FOXN2: variants seen among roughly 807,000 people sequenced by gnomAD.
The protein encoded by FOXN2 is forkhead box N2.
Under a neutral mutation model 41.2 loss-of-function variants are expected in FOXN2, and 19 were observed. That is an observed-to-expected ratio of 0.46 (90% CI 0.32 to 0.68). FOXN2 has a LOEUF of 0.68. Among genes scored for constraint, FOXN2 ranks in the 30% least tolerant of loss-of-function variants. FOXN2 has a pLI of 0.03. For synonymous variants in FOXN2, 195 were observed against 176.8 expected, an observed-to-expected ratio of 1.10 and a Z score of -0.82; for missense variants, 587 against 509.4, an observed-to-expected ratio of 1.15 and a Z score of -1.47.
chr2:48,342,294 A>G (rs556847677), intron 2 of FOXN2, among the ~76,000 whole-genome samples: 16 of 152,204 alleles, frequency 1.1e-4, no homozygotes, highest in African/African-American at 3.4e-4. Flanking sequence ...TTAGTTTACC[A>G]TTTCTCTGTT....
chr2:48,352,359 G>C (rs1196726681), intron 3 of FOXN2, among the ~76,000 whole-genome samples: 1 of 152,092 alleles, frequency 6.6e-6, no homozygotes, highest in Non-Finnish European at 1.5e-5. Flanking sequence ...GACATGATTA[G>C]CTCTGGGAAT....
intron 1 of FOXN2, 73 bp from the exon 2 acceptor site, chr2:48,328,488 G>GA (rs1159664159): frequency 6.6e-6 from 1 of 151,934 alleles, no homozygotes; most frequent in Admixed American, 6.6e-5. Flanking sequence ...ATAACGACAA[G>GA]AAAAAAAGTC....
intron 2 of FOXN2, among the ~76,000 whole-genome samples, chr2:48,343,632 G>T (rs1670909339): frequency 6.6e-6 from 1 of 152,030 alleles, no homozygotes; most frequent in African/African-American, 2.4e-5. Flanking sequence ...CATGGTGTGT[G>T]CCTGTAGTCC....
At chr2:48,353,552 CTGTGTGTG>C (rs57528113) in intron 3 of FOXN2, among the ~76,000 whole-genome samples, 23,980 of 128,576 alleles carry the variant, frequency 0.19, 2,135 homozygotes, top group Non-Finnish European at 0.2. Context: ...TCACTTAAGA[CTGTGTGTG>C]TGTGTGTGTG....
Position 48,373,298 on chromosome 2 carries a change from A to G in FOXN2, c.710A>G (p.Asp237Gly). The G allele has an allele frequency of 6.3e-7, 1 of 1,590,822 alleles. No homozygotes were observed. Among genetic ancestry groups the G allele is most frequent in the Non-Finnish European group, 8.6e-7 (1 of 1,166,378 alleles). The change falls in exon 6 of 7, where the codon GAT becomes GGT. Residue 237 changes from aspartate (D) to glycine (G), a missense_variant. Asp to Gly is a moderately conservative substitution (Grantham distance 94). Coordinates refer to ENST00000340553, the MANE Select transcript of FOXN2 (RefSeq NM_002158.4). ...QNQVRNLKES[D>G]IDAAAAMMLL... Reference sequence around the variant, plus strand: ...TTACTTTTTCCCTTTTCAGAATCTGATATTGATGCTGCTGCTGCAATGATG... The same window carrying G: ...TTACTTTTTCCCTTTTCAGAATCTGGTATTGATGCTGCTGCTGCAATGATG...
chr2:48,350,739 G>A (rs902463209), intron 3 of FOXN2, among the ~76,000 whole-genome samples: 15 of 152,304 alleles, frequency 9.8e-5, no homozygotes, highest in Admixed American at 7.8e-4. Flanking sequence ...GCACCAGATG[G>A]AGGCCAGTGG....
At chr2:48,320,267 T>C (rs1338779048) in intron 1 of FOXN2, among the ~76,000 whole-genome samples, 1 of 152,118 alleles carries the variant, frequency 6.6e-6, no homozygotes, top group Non-Finnish European at 1.5e-5. Flanking sequence ...GGCATAGTTA[T>C]ACTAGACATA....
chr2:48,316,850 C>T (rs1262502910), intron 1 of FOXN2, among the ~76,000 whole-genome samples: 5 of 152,056 alleles, frequency 3.3e-5, no homozygotes, highest in Non-Finnish European at 7.4e-5. Context: ...CCACAGGAAC[C>T]ATTTAAAATC....
upstream of FOXN2, among the ~76,000 whole-genome samples, chr2:48,313,831 G>A (rs1364831234): frequency 6.6e-6 from 1 of 152,134 alleles, no homozygotes; most frequent in Non-Finnish European, 1.5e-5. Context: ...CAAACAGGAA[G>A]TATAACCCAA....
intron 4 of FOXN2, among the ~76,000 whole-genome samples, chr2:48,361,005 C>A (rs1672136640): frequency 7.9e-6 from 1 of 127,218 alleles, no homozygotes; most frequent in African/African-American, 2.9e-5. Flanking sequence ...CAGACTGAGA[C>A]CCCATCTCAA....
intron 3 of FOXN2, among the ~76,000 whole-genome samples, chr2:48,357,392 A>G (rs1369791853): frequency 1.3e-5 from 2 of 152,214 alleles, no homozygotes; most frequent in African/African-American, 4.8e-5. Context: ...TAGCATTATT[A>G]AAATAATTGT....
chr2:48,325,841 T>G (rs72818499), intron 1 of FOXN2, among the ~76,000 whole-genome samples: 6,996 of 144,230 alleles, frequency 0.049, 216 homozygotes, highest in Middle Eastern at 0.083. Flanking sequence ...TCCCTCAAGA[T>G]TTCTTTTTTT....
intron 2 of FOXN2, among the ~76,000 whole-genome samples, chr2:48,342,451 T>G (rs1387901783): frequency 6.6e-6 from 1 of 152,166 alleles, no homozygotes; most frequent in Non-Finnish European, 1.5e-5. Context: ...ACATTTGGAA[T>G]TGTTGGGTCA....
At position 48,323,870 on chromosome 2, in the gene FOXN2, A is replaced by G. The variant is rs557597045; in HGVS notation, c.-156-4691A>G. On this transcript the variant is annotated intron_variant, in intron 1 of 6. Transcript: ENST00000340553. ...TTTATAGTATAGTTTCAGGTCTTAC[A>G]TTTAAGTCTTTTCTGTAGCTAATTT... Among the ~76,000 whole-genome samples, 48 of 152,154 alleles carry G rather than the reference A, an allele frequency of 3.2e-4. 1 individual carries two copies. Among genetic ancestry groups the G allele is most frequent in the African/African-American group, 1.0e-3 (43 of 41,524 alleles).
upstream of FOXN2, among the ~76,000 whole-genome samples, chr2:48,313,700 T>C (rs990643314): frequency 2.0e-5 from 3 of 152,194 alleles, no homozygotes; most frequent in African/African-American, 7.2e-5. Flanking sequence ...CTTTGACGGG[T>C]CATTTTTCTA....
chr2:48,376,385 T>G lies in FOXN2; in HGVS notation c.*942T>G, dbSNP rs1673249258. 6.6e-6 allele frequency: 1 copy of G among 152,144 alleles called. No individual in the cohort carries two copies. The allele number at this position is 152,144 out of a possible 1,614,324, so 9.4% of individuals were successfully genotyped here. A position where few individuals can be genotyped will look rare whatever the true frequency, so the allele number is the denominator to read the frequency against. On this transcript the variant is annotated 3_prime_UTR_variant, in exon 7 of 7. Coordinates refer to ENST00000340553, the MANE Select transcript of FOXN2 (RefSeq NM_002158.4). The stretch of plus-strand genomic sequence containing the variant: ...CGGAATGGAGTGAAATGAAACATTT[T>G]GAGTACTGATGGCATGTTATCATAC...
chr2:48,334,333 T>C (rs1180063161), intron 2 of FOXN2, among the ~76,000 whole-genome samples: 1 of 152,176 alleles, frequency 6.6e-6, no homozygotes, highest in Non-Finnish European at 1.5e-5. Context: ...ATACTTCCAA[T>C]TGAGATTCAT....
At chr2:48,339,880 T>C (rs1046694718) in intron 2 of FOXN2, among the ~76,000 whole-genome samples, 1 of 152,218 alleles carries the variant, frequency 6.6e-6, no homozygotes, top group African/African-American at 2.4e-5. Flanking sequence ...CAATTAAATG[T>C]TCCTTAAAAG....
chr2:48,314,293 T>G (rs781033598), upstream of FOXN2, among the ~76,000 whole-genome samples: 3 of 152,224 alleles, frequency 2.0e-5, no homozygotes, highest in Non-Finnish European at 4.4e-5. Context: ...GCGCCGCGCC[T>G]CCGCCGCACT....
Sources: gnomAD v4.1 joint callset for allele counts (sites outside exome capture counted in the v4.1 genomes callset) on GRCh38, gnomAD v4.1.1 for gene constraint, MANE v1.5 for transcripts, NCBI Gene and HGNC (gene_info 2026-07-23, HGNC 2026-07-21) for gene names.